EPB41L5: variants seen among roughly 807,000 people sequenced by gnomAD.
EPB41L5 encodes band 4.1-like protein 5.
EPB41L5 carries 55 observed loss-of-function variants against 106.6 expected under a neutral mutation model. That is an observed-to-expected ratio of 0.52 (90% CI 0.42 to 0.65). The LOEUF (loss-of-function observed/expected upper bound fraction) is 0.65. EPB41L5 is among the 30% of genes least tolerant of loss of function. The probability of loss-of-function intolerance (pLI) is 0.00; values close to 1 mark genes in which losing one functional copy is unlikely to be tolerated. For missense variants in EPB41L5, 871 were observed against 882.1 expected, an observed-to-expected ratio of 0.99 and a Z score of 0.16; for synonymous variants, 297 against 306.7, an observed-to-expected ratio of 0.97 and a Z score of 0.33.
chr2:120,091,631 C>A lies in EPB41L5; in HGVS notation c.1120C>A (p.Arg374=). Residue 374 remains arginine, a synonymous_variant, in exon 13 of 25, where the codon CGA becomes AGA. Transcript: ENST00000263713. ...STSFERRPSK[R]YSRRTLQMKA... is the part of the protein sequence containing the mutation. ...ATCCTTTGAAAGAAGGCCCAGCAAA[C>A]GATATTCTAGACGAACTCTACAAAT... 1.2e-6 allele frequency: 2 copies of A among 1,613,618 alleles called. No homozygotes were observed. The highest frequency in any genetic ancestry group is 1.7e-6 in the Non-Finnish European group (2 of 1,179,688).
intron 1 of EPB41L5, 59 bp from the exon 2 acceptor site, chr2:120,019,018 C>A: frequency 7.0e-7 from 1 of 1,418,896 alleles, no homozygotes. Context: ...TGACTGACTG[C>A]AAGTTGTGGA....
intron 14 of EPB41L5, 132 bp from the exon 15 acceptor site, chr2:120,100,112 T>C: frequency 1.5e-6 from 1 of 673,664 alleles, no homozygotes; most frequent in East Asian, 2.8e-5. Context: ...CTAGCAGTAG[T>C]TTTATTCTTT....
chr2:120,048,135 C>T (rs982526735), intron 3 of EPB41L5, among the ~76,000 whole-genome samples: 13 of 152,088 alleles, frequency 8.5e-5, no homozygotes, highest in Admixed American at 6.5e-4. Flanking sequence ...TTTGTTGTGT[C>T]TCTGCCAGGC....
At chr2:120,088,735 T>G (rs1406107160) in intron 11 of EPB41L5, among the ~76,000 whole-genome samples, 1 of 152,216 alleles carries the variant, frequency 6.6e-6, no homozygotes, top group African/African-American at 2.4e-5. Context: ...TTTTTTTTCT[T>G]TTTTGCTAAT....
rs1231748626 is a variant in EPB41L5 at position 120,077,039 on chromosome 2, A to G, written c.574A>G (p.Ile192Val). ...ELVSEFRFVP[I>V]QTEEMELAIF... ...TGTCTCAGAGTTCAGATTCGTGCCT[A>G]TTCAGACTGAAGAGATGGAACTGGC... Residue 192 changes from isoleucine (I) to valine (V), a missense_variant, in exon 8 of 25, where the codon ATT (isoleucine) becomes GTT (valine). Coordinates refer to ENST00000263713, the MANE Select transcript of EPB41L5 (RefSeq NM_020909.4). The G allele has an allele frequency of 2.5e-6, 4 of 1,613,038 alleles. No individual in the cohort carries two copies. The highest frequency in any genetic ancestry group is 2.5e-6 in the Non-Finnish European group (3 of 1,179,238).
chr2:120,019,340 G>C, intron 2 of EPB41L5, 76 bp downstream of exon 2: 1 of 1,356,208 alleles, frequency 7.4e-7, no homozygotes, highest in Non-Finnish European at 1.0e-6. Context: ...GCTTTGTATT[G>C]GTAACTTCTG....
intron 9 of EPB41L5, among the ~76,000 whole-genome samples, chr2:120,077,540 A>T (rs1230140873): frequency 3.9e-5 from 6 of 152,234 alleles, no homozygotes. Context: ...CTAACAAGGT[A>T]CTTGGTCCTT....
chr2:120,141,938 A>G (rs1686190009), intron 18 of EPB41L5, among the ~76,000 whole-genome samples: 1 of 151,980 alleles, frequency 6.6e-6, no homozygotes, highest in African/African-American at 2.4e-5. Context: ...CAAGTTTTCC[A>G]GTGTGTGATG....
chr2:120,147,992 G>T (rs915346602), intron 20 of EPB41L5, among the ~76,000 whole-genome samples: 1 of 151,780 alleles, frequency 6.6e-6, no homozygotes, highest in Non-Finnish European at 1.5e-5. Context: ...ATACAACACT[G>T]TTCTGTTTTA....
intron 10 of EPB41L5, among the ~76,000 whole-genome samples, chr2:120,085,208 G>A (rs1682973987): frequency 6.6e-6 from 1 of 152,124 alleles, no homozygotes; most frequent in Non-Finnish European, 1.5e-5. Flanking sequence ...CTGATTTTTA[G>A]AATTTTCAGC....
At chr2:120,104,087 A>T (rs570321250) in intron 16 of EPB41L5, 1 of 1,535,092 alleles carries the variant, frequency 6.5e-7, no homozygotes, top group South Asian at 1.2e-5. Flanking sequence ...ACTGCTGTCA[A>T]CGTGGTGGAA....
At chr2:120,075,808 G>GT (rs1453314764) in intron 7 of EPB41L5, 55 bp downstream of exon 7, 5 of 1,370,152 alleles carry the variant, frequency 3.6e-6, no homozygotes, top group Non-Finnish European at 5.2e-6. Flanking sequence ...TTTTGTGTGT[G>GT]TTTTTAGTTA....
At chr2:120,167,270 G>C (rs1687456142) in intron 22 of EPB41L5, among the ~76,000 whole-genome samples, 196 bp from the exon 23 acceptor site, 1 of 152,176 alleles carries the variant, frequency 6.6e-6, no homozygotes, top group Non-Finnish European at 1.5e-5. Flanking sequence ...TTCTTAAGTG[G>C]TGAGGGATAG....
intron 16 of EPB41L5, among the ~76,000 whole-genome samples, chr2:120,127,331 C>A (rs1685498219): frequency 6.6e-6 from 1 of 152,054 alleles, no homozygotes; most frequent in Non-Finnish European, 1.5e-5. Flanking sequence ...TTAGTATAGT[C>A]CCTCAGTATC....
chr2:120,021,962 T>G (rs1302439733), intron 2 of EPB41L5, among the ~76,000 whole-genome samples: 1 of 152,182 alleles, frequency 6.6e-6, no homozygotes, highest in Non-Finnish European at 1.5e-5. Context: ...TTAGCCGTCT[T>G]CTTCCTTTAA....
chr2:120,067,825 GAATC>G (rs1681550009), intron 3 of EPB41L5, among the ~76,000 whole-genome samples: 1 of 152,146 alleles, frequency 6.6e-6, no homozygotes, highest in Admixed American at 6.6e-5. Flanking sequence ...TTATAAGAAT[GAATC>G]AGGCACTGGA....
At chr2:120,022,941 G>T (rs1446714805) in intron 2 of EPB41L5, among the ~76,000 whole-genome samples, 3 of 152,158 alleles carry the variant, frequency 2.0e-5, no homozygotes, top group African/African-American at 7.2e-5. Context: ...GTGATGATGA[G>T]CTTTTTTTCA....
intron 3 of EPB41L5, among the ~76,000 whole-genome samples, chr2:120,045,011 G>A (rs1055870604): frequency 6.6e-6 from 1 of 152,190 alleles, no homozygotes; most frequent in Non-Finnish European, 1.5e-5. Context: ...CAATCAGCTT[G>A]TTGTGTGGCC....
Position 120,167,908 on chromosome 2 carries a change from G to T in EPB41L5, c.2036G>T (p.Gly679Val). Residue 679 changes from glycine (G) to valine (V), a missense_variant, in exon 24 of 25, where the codon GGA becomes GTA. By Grantham distance (109) the Gly-to-Val change is moderately radical. Coordinates refer to ENST00000263713, the MANE Select transcript of EPB41L5 (RefSeq NM_020909.4). ...QSGAMSNGLA[G>V]CEMLLTGKEG... ...GGTGCCATGTCTAATGGACTTGCGG[G>T]ATGTGAAATGCTTTTGACAGGGAAG... The T allele has an allele frequency of 6.2e-7, 1 of 1,614,126 alleles. No homozygotes were observed.
Sources: allele counts gnomAD v4.1 joint callset (sites outside exome capture counted in the v4.1 genomes callset), GRCh38; gene constraint gnomAD v4.1.1; transcripts MANE v1.5; gene names NCBI Gene and HGNC (gene_info 2026-07-23, HGNC 2026-07-21).